Variants in SPTB observed in about 807,000 individuals in gnomAD.
The protein encoded by SPTB is spectrin beta, erythrocytic.
Under a neutral mutation model 256.2 loss-of-function variants are expected in SPTB, and 45 were observed. That is an observed-to-expected ratio of 0.18 (90% CI 0.14 to 0.23). SPTB has a LOEUF of 0.23. Among genes scored for constraint, SPTB ranks in the 10% least tolerant of loss-of-function variants. The pLI is 1.00. For synonymous variants in SPTB, 1,231 were observed against 1,243.1 expected, an observed-to-expected ratio of 0.99 and a Z score of 0.21; for missense variants, 2,715 against 3,040.4, an observed-to-expected ratio of 0.89 and a Z score of 2.52.
At position 64,796,627 on chromosome 14, in the gene SPTB, G is replaced by T. The variant is rs2082774870; in HGVS notation, c.1271C>A (p.Ala424Asp). The T allele has an allele frequency of 1.9e-6, 3 of 1,614,086 alleles. No homozygotes were observed. Among genetic ancestry groups the T allele is most frequent in the Non-Finnish European group, 2.5e-6 (3 of 1,180,042 alleles). The change falls in exon 11 of 36, where the codon GCC becomes GAC. Residue 424 changes from alanine (A) to aspartate (D), a missense_variant. Ala to Asp is a moderately radical substitution (Grantham distance 126). Around this residue, in one of 4 missense-constraint regions of SPTB, gnomAD observed 416 missense variants for 571.1 expected, o/e 0.73. Coordinates refer to ENST00000644917, the MANE Select transcript of SPTB (RefSeq NM_001355436.2). This position sits in a 1 kb window ranked among gnomAD's most constrained non-coding sequence, Gnocchi z 4.1. ...LIRQEKLEQLARRFDRKAAMR... is the reference protein window; with the variant it reads ...LIRQEKLEQLDRRFDRKAAMR... ...TGCGGCCTTCCGGTCAAAGCGCCGG[G>T]CCAGTTGCTCTAGCTTCTCCTGCCG...
chr14:64,769,438 C>T (rs889774483), intron 28 of SPTB, 152 bp downstream of exon 28: 44 of 1,095,208 alleles, frequency 4.0e-5, no homozygotes, highest in South Asian at 8.3e-5. Context: ...CTCCAATCCC[C>T]GGGCCTGTGT....
At chr14:64,769,147 G>A (rs764777323) in intron 28 of SPTB, 29 bp from the exon 29 acceptor site, 2 of 1,605,624 alleles carry the variant, frequency 1.2e-6, no homozygotes, top group Non-Finnish European at 1.7e-6. Context: ...GAAAAGCTCA[G>A]GCTTGGCTCA....
At chr14:64,808,691 A>G (rs911476676) in intron 2 of SPTB, among the ~76,000 whole-genome samples, 1 of 152,188 alleles carries the variant, frequency 6.6e-6, no homozygotes, top group Non-Finnish European at 1.5e-5. Flanking sequence ...CTTAAGATAC[A>G]GTTAAGGAAA....
At chr14:64,803,340 C>T (rs578147440) in intron 4 of SPTB, among the ~76,000 whole-genome samples, 24 of 152,280 alleles carry the variant, frequency 1.6e-4, no homozygotes, top group African/African-American at 5.1e-4. Flanking sequence ...AATCTTCCAG[C>T]CAGATATCAA....
rs751978752 is a variant in SPTB at position 64,800,882 on chromosome 14, G to T, written c.764-14C>A. ...CCGTAAAGACATCTGTTAGGGAAAAGGGTGTACTCTCAGGACCAAACTGGA... is the reference window on the plus strand; with the variant it reads ...CCGTAAAGACATCTGTTAGGGAAAATGGTGTACTCTCAGGACCAAACTGGA... On this transcript the variant is annotated splice_polypyrimidine_tract_variant and intron_variant, in intron 7 of 35. Coordinates refer to ENST00000644917, the MANE Select transcript of SPTB (RefSeq NM_001355436.2). The T allele has an allele frequency of 6.2e-6, 10 of 1,604,002 alleles. No homozygotes were observed. The highest frequency in any genetic ancestry group is 1.7e-4 in the Middle Eastern group (1 of 6,040).
At position 64,845,764 on chromosome 14, in the gene SPTB, C is replaced by T. The variant is rs1388740443; in HGVS notation, c.-51-22619G>A. Among the ~76,000 whole-genome samples the T allele has an allele frequency of 6.6e-6, 1 of 152,098 alleles. No individual in the cohort carries two copies. The highest frequency in any genetic ancestry group is 1.5e-5 in the Non-Finnish European group (1 of 68,010). The stretch of plus-strand genomic sequence containing the variant: ...TGTGAAATGAGTTCTGCCATGGGCT[C>T]GCCTAGTCTCTTCATTGTTGAGTCA... On this transcript the variant is annotated intron_variant, in intron 1 of 35. Transcript: ENST00000644917. The surrounding 1 kb of genome is among the most constrained non-coding windows in gnomAD (Gnocchi z 4.8).
intron 20 of SPTB, among the ~76,000 whole-genome samples, chr14:64,781,823 TCAATGA>T (rs2082476907): frequency 6.6e-6 from 1 of 152,146 alleles, no homozygotes; most frequent in Non-Finnish European, 1.5e-5. Flanking sequence ...TAAATGCCCA[TCAATGA>T]CAGACTGGAT....
intron 2 of SPTB, among the ~76,000 whole-genome samples, chr14:64,809,898 T>C (rs969977194): frequency 1.2e-4 from 19 of 152,094 alleles, no homozygotes; most frequent in African/African-American, 4.6e-4. Flanking sequence ...AGGTCTTGAA[T>C]AAAAAACTCA....
rs758611621 is a variant in SPTB, at chr14:64,774,393, G to A, written c.4973+4C>T. ...GACCGAGTCACCACAGGGGGCGCACGCACCCCTCAGGGTGGCCTGCAGACA... is the reference window on the plus strand; with the variant it reads ...GACCGAGTCACCACAGGGGGCGCACACACCCCTCAGGGTGGCCTGCAGACA... On this transcript the variant is annotated splice_donor_region_variant and intron_variant, in intron 24 of 35. Transcript: ENST00000644917. The A allele has an allele frequency of 3.1e-4, 489 of 1,585,922 alleles. No individual in the cohort carries two copies. Among genetic ancestry groups the A allele is most frequent in the Non-Finnish European group, 4.0e-4 (464 of 1,167,216 alleles).
intron 1 of SPTB, among the ~76,000 whole-genome samples, chr14:64,829,629 A>C (rs932733079): frequency 6.6e-6 from 1 of 152,220 alleles, no homozygotes; most frequent in Admixed American, 6.5e-5. Context: ...GCAAAATAAG[A>C]AGCAGCTTAT....
At chr14:64,862,048 A>T (rs1028471768) in intron 1 of SPTB, among the ~76,000 whole-genome samples, 1 of 151,998 alleles carries the variant, frequency 6.6e-6, no homozygotes, top group African/African-American at 2.4e-5. Flanking sequence ...CTGTGCTGAG[A>T]GCTGTCAAAT....
chr14:64,791,277 G>A (rs2082665211), intron 15 of SPTB, among the ~76,000 whole-genome samples: 1 of 152,126 alleles, frequency 6.6e-6, no homozygotes, highest in Non-Finnish European at 1.5e-5. Context: ...GAGACAGACA[G>A]GAATGTCGGT....
At chr14:64,773,566 TGCCGGGGAAGA>T in intron 24 of SPTB, 142 bp from the exon 25 acceptor site, 2 of 909,750 alleles carry the variant, frequency 2.2e-6, no homozygotes, top group East Asian at 4.9e-5. Context: ...ACAGGGGCTT[TGCCGGGGAAGA>T]GCTGGGGAGA....
intron 1 of SPTB, among the ~76,000 whole-genome samples, chr14:64,828,155 G>A (rs561231347): frequency 2.0e-5 from 3 of 152,270 alleles, no homozygotes; most frequent in South Asian, 4.2e-4. Flanking sequence ...CATTCTGGTC[G>A]ACTGCTGTTT....
rs887915645 is a variant in SPTB at position 64,807,365 on chromosome 14, G to A, written c.149-2275C>T. The stretch of plus-strand genomic sequence containing the variant: ...TAGCTGGGAACATGGATTAATTCTA[G>A]GCCACTGGGCTGGTGCATTTATTGG... On this transcript the variant is annotated intron_variant, in intron 2 of 35. Transcript: ENST00000644917. The surrounding 1 kb of genome is among the most constrained non-coding windows in gnomAD (Gnocchi z 4.7). Among the ~76,000 whole-genome samples, 1 of 152,192 alleles carries A rather than the reference G, an allele frequency of 6.6e-6. No individual in the cohort carries two copies. Among genetic ancestry groups the A allele is most frequent in the Non-Finnish European group, 1.5e-5 (1 of 68,036 alleles).
In SPTB at chr14:64,758,559, G is replaced by A. The variant is rs1043820115; in HGVS notation, c.6346-4766C>T. On this transcript the variant is annotated intron_variant, in intron 32 of 35. Coordinates refer to ENST00000644917, the MANE Select transcript of SPTB (RefSeq NM_001355436.2). This position sits in a 1 kb window ranked among gnomAD's most constrained non-coding sequence, Gnocchi z 4.6. ...GCGTGCTGCTGAGTGGAGGGCTCTG[G>A]TAATTCACAAGTGGATTTTACAAAC... 6.6e-6 allele frequency among the ~76,000 whole-genome samples: 1 copy of A among 152,264 alleles called. No individual in the cohort carries two copies. Among genetic ancestry groups the A allele is most frequent in the South Asian group, 2.1e-4 (1 of 4,836 alleles).
chr14:64,793,768 T>C lies in SPTB; in HGVS notation c.1895A>G (p.Gln632Arg), dbSNP rs1355258527. The C allele has an allele frequency of 6.2e-7, 1 of 1,613,986 alleles. No homozygotes were observed. Among genetic ancestry groups the C allele is most frequent in the Non-Finnish European group, 8.5e-7 (1 of 1,180,040 alleles). Reference sequence around the variant, plus strand: ...CCAGAGTCGTTTGGACTGCTCCAGTTGGGCCTTCCGCCCAGCTGCCATGTT... The same window carrying C: ...CCAGAGTCGTTTGGACTGCTCCAGTCGGGCCTTCCGCCCAGCTGCCATGTT... ...LSNMAAGRKA[Q>R]LEQSKRLWKF... The change falls in exon 14 of 36, where the codon CAA (glutamine) becomes CGA (arginine). Residue 632 changes from glutamine to arginine, a missense_variant. Gln to Arg is a conservative substitution (Grantham distance 43). Around this residue, in one of 4 missense-constraint regions of SPTB, gnomAD observed 2,239 missense variants for 2,384.4 expected, o/e 0.94. Coordinates refer to ENST00000644917, the MANE Select transcript of SPTB (RefSeq NM_001355436.2). The surrounding 1 kb of genome is among the most constrained non-coding windows in gnomAD (Gnocchi z 7.0).
At chr14:64,808,048 C>G (rs1391392194) in intron 2 of SPTB, among the ~76,000 whole-genome samples, 1 of 152,216 alleles carries the variant, frequency 6.6e-6, no homozygotes, top group Non-Finnish European at 1.5e-5. Flanking sequence ...GAGTCTCGCT[C>G]TGTTGCCAGG....
At chr14:64,832,936 C>T (rs1232616834) in intron 1 of SPTB, among the ~76,000 whole-genome samples, 1 of 152,320 alleles carries the variant, frequency 6.6e-6, no homozygotes, top group East Asian at 1.9e-4. Flanking sequence ...TGAGGCCAGA[C>T]AGGCCATCCT....
Sources: gnomAD v4.1 joint callset for allele counts (sites outside exome capture counted in the v4.1 genomes callset) on GRCh38, gnomAD v4.1.1 for gene constraint, gnomAD v4.1.1 regional missense constraint, Gnocchi (gnomAD v3.1) non-coding constraint, MANE v1.5 for transcripts, NCBI Gene and HGNC (gene_info 2026-07-23, HGNC 2026-07-21) for gene names.